Variants in ALCAM observed in about 807,000 individuals in gnomAD.
The protein encoded by ALCAM is CD166 antigen.
In ALCAM, 30 loss-of-function variants were observed where a neutral mutation model predicts 70.9. The ratio of observed to expected loss-of-function variants is 0.42; its 90% CI spans 0.32 to 0.57. The LOEUF is 0.57. Ranked by LOEUF, ALCAM falls within the 20% of genes least tolerant of loss-of-function variation. ALCAM has a pLI of 0.11. For missense variants in ALCAM, 591 were observed against 695.1 expected (o/e 0.85, Z 1.68); for synonymous variants, 249 against 242.5 (o/e 1.03, Z -0.25).
intron 14 of ALCAM, among the ~76,000 whole-genome samples, chr3:105,570,662 T>A (rs1330744824): frequency 3.3e-5 from 5 of 152,192 alleles, no homozygotes; most frequent in Admixed American, 3.3e-4. Flanking sequence ...AAATACATTG[T>A]GGTTTATTCA....
intron 1 of ALCAM, among the ~76,000 whole-genome samples, chr3:105,410,046 A>G (rs1405768895): frequency 6.6e-6 from 1 of 152,088 alleles, no homozygotes; most frequent in African/African-American, 2.4e-5. Flanking sequence ...GCTGTTGTAC[A>G]TTCTGTGAGT....
At chr3:105,395,092 C>T (rs1317668859) in intron 1 of ALCAM, among the ~76,000 whole-genome samples, 1 of 151,914 alleles carries the variant, frequency 6.6e-6, no homozygotes, top group Non-Finnish European at 1.5e-5. Context: ...CAAAGTTTAT[C>T]TTAAGTTAAT....
At chr3:105,402,871 C>A (rs1298978850) in intron 1 of ALCAM, among the ~76,000 whole-genome samples, 2 of 151,590 alleles carry the variant, frequency 1.3e-5, no homozygotes, top group Non-Finnish European at 2.9e-5. Context: ...GTCTGAGAAA[C>A]CTGAATACTT....
chr3:105,381,064 C>A (rs1935507252), intron 1 of ALCAM, among the ~76,000 whole-genome samples: 1 of 151,848 alleles, frequency 6.6e-6, no homozygotes, highest in Non-Finnish European at 1.5e-5. Flanking sequence ...TTGCTTAAAC[C>A]CTCTTCTGTC....
chr3:105,559,764 T>C (rs114637073), intron 14 of ALCAM, among the ~76,000 whole-genome samples: 1 of 152,304 alleles, frequency 6.6e-6, no homozygotes, highest in African/African-American at 2.4e-5. Context: ...CTAATTGTTA[T>C]GACCAGAGAT....
At chr3:105,429,574 AAG>A (rs1022963581) in intron 1 of ALCAM, among the ~76,000 whole-genome samples, 1 of 151,982 alleles carries the variant, frequency 6.6e-6, no homozygotes, top group African/African-American at 2.4e-5. Context: ...TATAAACAAA[AAG>A]AGTATTTAAA....
At chr3:105,535,168 TTC>T (rs1939939257) in intron 6 of ALCAM, among the ~76,000 whole-genome samples, 1 of 152,198 alleles carries the variant, frequency 6.6e-6, no homozygotes, top group Non-Finnish European at 1.5e-5. Flanking sequence ...TTAACTGGCT[TTC>T]TAAATAAGAG....
chr3:105,532,142 C>G, intron 4 of ALCAM, 76 bp downstream of exon 4: 6 of 1,252,134 alleles, frequency 4.8e-6, no homozygotes, highest in Non-Finnish European at 6.9e-6. Flanking sequence ...CATTCCAAGA[C>G]AAGTAAGAAA....
intron 1 of ALCAM, among the ~76,000 whole-genome samples, chr3:105,431,918 A>G (rs1423173139): frequency 6.6e-6 from 1 of 152,192 alleles, no homozygotes; most frequent in Non-Finnish European, 1.5e-5. Context: ...GATTATAATG[A>G]AATCTTACTG....
rs558782341 is a variant in ALCAM at position 105,472,395 on chromosome 3, C to T, written c.74-47672C>T. On this transcript the variant is annotated intron_variant, in intron 1 of 15. Coordinates refer to ENST00000306107, the MANE Select transcript of ALCAM (RefSeq NM_001627.4). Reference sequence around the variant, plus strand: ...ATTCTAAAGTTTAAGTCTTTTAGGGCTTGACATGACATCACATACCCCTTT... The same window carrying T: ...ATTCTAAAGTTTAAGTCTTTTAGGGTTTGACATGACATCACATACCCCTTT... 8.6e-5 allele frequency among the ~76,000 whole-genome samples: 13 copies of T among 151,628 alleles called. 1 individual carries two copies. In the South Asian group the frequency reaches 2.7e-3, roughly 31 times the overall value.
intron 1 of ALCAM, among the ~76,000 whole-genome samples, chr3:105,374,153 CT>C (rs1386462364): frequency 6.6e-6 from 1 of 152,210 alleles, no homozygotes. Flanking sequence ...AATCCAAACA[CT>C]TTCTTTTATG....
At chr3:105,397,869 C>G (rs1935993125) in intron 1 of ALCAM, among the ~76,000 whole-genome samples, 1 of 152,004 alleles carries the variant, frequency 6.6e-6, no homozygotes, top group African/African-American at 2.4e-5. Flanking sequence ...CATTTTAAAT[C>G]CACTTTTTAA....
chr3:105,482,895 C>T (rs554705348), intron 1 of ALCAM, among the ~76,000 whole-genome samples: 11 of 151,932 alleles, frequency 7.2e-5, no homozygotes, highest in African/African-American at 1.5e-4. Context: ...AAAAATCATA[C>T]CCAAGAACAT....
chr3:105,412,683 G>A (rs1936419461), intron 1 of ALCAM, among the ~76,000 whole-genome samples: 1 of 152,054 alleles, frequency 6.6e-6, no homozygotes, highest in African/African-American at 2.4e-5. Flanking sequence ...TTGAGCCCCA[G>A]AAGTCAACAT....
At chr3:105,389,345 C>T (rs1466251740) in intron 1 of ALCAM, among the ~76,000 whole-genome samples, 1 of 136,900 alleles carries the variant, frequency 7.3e-6, no homozygotes, top group Non-Finnish European at 1.5e-5. Flanking sequence ...AAACCATATA[C>T]CTACTTGTAT....
intron 14 of ALCAM, among the ~76,000 whole-genome samples, chr3:105,554,150 C>T (rs980049876): frequency 1.3e-5 from 2 of 151,780 alleles, no homozygotes; most frequent in East Asian, 1.9e-4. Flanking sequence ...GACATGATTA[C>T]GGAGGCTGAG....
chr3:105,508,765 T>G (rs1370591890), intron 1 of ALCAM, among the ~76,000 whole-genome samples: 2 of 152,100 alleles, frequency 1.3e-5, no homozygotes, highest in African/African-American at 2.4e-5. Context: ...CTTAGAAAAT[T>G]TCTACTATAC....
intron 1 of ALCAM, among the ~76,000 whole-genome samples, chr3:105,418,000 AG>A (rs1322644330): frequency 2.0e-5 from 3 of 151,774 alleles, no homozygotes; most frequent in African/African-American, 7.3e-5. Context: ...TAAAAGTATC[AG>A]AAAAAAGAAT....
At chr3:105,553,832 G>A (rs1940463533) in intron 14 of ALCAM, among the ~76,000 whole-genome samples, 1 of 151,918 alleles carries the variant, frequency 6.6e-6, no homozygotes. Context: ...GCACAGAATT[G>A]TTATTTGATT....
Sources: gnomAD v4.1 joint callset for allele counts (sites outside exome capture counted in the v4.1 genomes callset) on GRCh38, gnomAD v4.1.1 for gene constraint, MANE v1.5 for transcripts, NCBI Gene and HGNC (gene_info 2026-07-23, HGNC 2026-07-21) for gene names.